The following ITGA6 variants were observed in gnomAD, a reference collection of about 807,000 sequenced individuals.
ITGA6 encodes the protein integrin alpha-6.
Under a neutral mutation model 133.6 loss-of-function variants are expected in ITGA6, and 63 were observed. The observed-to-expected ratio is 0.47, with a 90% CI of 0.38 to 0.58. ITGA6 has a LOEUF of 0.58. Ranked by LOEUF, ITGA6 falls within the 20% of genes least tolerant of loss-of-function variation. ITGA6 has a pLI of 0.00. For missense variants in ITGA6, 1,068 were observed against 1,309.4 expected (o/e 0.82, Z 2.85); for synonymous variants, 434 against 482.0 (o/e 0.90, Z 1.30).
Position 172,491,076 on chromosome 2 carries a change from A to T in ITGA6, c.2732A>T (p.Asp911Val). ...KREITEKQID[D>V]NRKFSLFAER... ...GAAATTACTGAAAAACAGATAGATG[A>T]TAACAGAAAATTTTCTTTATTTGCT... is the stretch of plus-strand genomic sequence containing the variant. Residue 911 changes from aspartate to valine, a missense_variant, in exon 21 of 26, where the codon GAT becomes GTT. Physicochemically the swap from Asp to Val is radical, Grantham distance 152. Around this residue, in one of 3 missense-constraint regions of ITGA6, gnomAD observed 609 missense variants for 707.2 expected, o/e 0.86. Coordinates refer to ENST00000684293, the MANE Select transcript of ITGA6 (RefSeq NM_000210.4). This position sits in a 1 kb window ranked among gnomAD's most constrained non-coding sequence, Gnocchi z 4.4. 1 of 1,593,892 alleles carries T rather than the reference A, an allele frequency of 6.3e-7. No individual in the cohort carries two copies. Among genetic ancestry groups the T allele is most frequent in the Non-Finnish European group, 8.6e-7 (1 of 1,161,642 alleles).
Position 172,459,006 on chromosome 2 carries a change from A to G in ITGA6, c.183-6533A>G, listed in dbSNP as rs151182659. Among the ~76,000 whole-genome samples the G allele has an allele frequency of 2.0e-5, 3 of 152,306 alleles. No homozygotes were observed. The East Asian group carries it at 5.8e-4, about 29-fold the overall frequency. On this transcript the variant is annotated intron_variant, in intron 1 of 25. Transcript: ENST00000684293. ...TCAGAACCACAGAGAAGGAGGGAAA[A>G]TGAGAGAAAGGGTAGATTAACCCAG...
At chr2:172,433,420 A>G (rs1172352010) in intron 1 of ITGA6, among the ~76,000 whole-genome samples, 1 of 152,196 alleles carries the variant, frequency 6.6e-6, no homozygotes, top group African/African-American at 2.4e-5. Flanking sequence ...CTAAGAGCAG[A>G]GCCTAGAGCC....
Position 172,450,027 on chromosome 2 carries a change from C to T in ITGA6, c.183-15512C>T, listed in dbSNP as rs560663093. On this transcript the variant is annotated intron_variant, in intron 1 of 25. Coordinates refer to ENST00000684293, the MANE Select transcript of ITGA6 (RefSeq NM_000210.4). ...GATCTGAGTCAAGAGTGTTCGGAAC[C>T]AAAGGAAGCGACTGCGGTTACTCTG... 5.9e-5 allele frequency among the ~76,000 whole-genome samples: 9 copies of T among 151,572 alleles called. No homozygotes were observed. In the South Asian group the frequency reaches 1.9e-3, roughly 32 times the overall value.
intron 1 of ITGA6, among the ~76,000 whole-genome samples, chr2:172,448,471 C>A (rs557651684): frequency 0.028 from 4,213 of 152,158 alleles, 181 homozygotes; most frequent in African/African-American, 0.094. Context: ...TGGGTAATGG[C>A]AATAGTGTCT....
intron 23 of ITGA6, among the ~76,000 whole-genome samples, chr2:172,496,873 C>T (rs1371138499): frequency 6.6e-6 from 1 of 152,126 alleles, no homozygotes. Flanking sequence ...GAGTAAACAC[C>T]ATTTCTATTT....
At chr2:172,445,397 C>G in intron 1 of ITGA6, among the ~76,000 whole-genome samples, 1 of 147,578 alleles carries the variant, frequency 6.8e-6, no homozygotes, top group South Asian at 2.1e-4. Context: ...CGCCTGTAAT[C>G]CCAGCACTTT....
intron 1 of ITGA6, among the ~76,000 whole-genome samples, chr2:172,448,035 G>A (rs1028393281): frequency 6.6e-6 from 1 of 152,024 alleles, no homozygotes; most frequent in Non-Finnish European, 1.5e-5. Context: ...ACCCTCAGGC[G>A]CAAATGTCAC....
chr2:172,504,357 A>C lies in ITGA6; in HGVS notation c.*289A>C. 2 of 841,546 alleles carry C rather than the reference A, an allele frequency of 2.4e-6. No individual in the cohort carries two copies. Among genetic ancestry groups the C allele is most frequent in the South Asian group, 3.8e-5 (2 of 53,232 alleles). 52.1% of individuals were successfully genotyped at this position (841,546 alleles called of 1,614,324 possible). A position where few individuals can be genotyped will look rare whatever the true frequency, so the allele number is the denominator to read the frequency against. On this transcript the variant is annotated 3_prime_UTR_variant, in exon 26 of 26. Coordinates refer to ENST00000684293, the MANE Select transcript of ITGA6 (RefSeq NM_000210.4). ...TGCTCAATCCCTGAGGACTGATTTC[A>C]GAGTGACTACACACAGTACGAACCT...
In ITGA6 at chr2:172,428,082, C is replaced by T; in HGVS notation, c.182+112C>T. 3 of 1,100,120 alleles carry T rather than the reference C, an allele frequency of 2.7e-6. 1 individual carries two copies. Among genetic ancestry groups the T allele is most frequent in the Non-Finnish European group, 3.5e-6 (3 of 847,466 alleles). The allele number at this position is 1,100,120 out of a possible 1,614,324, so 68.1% of individuals were successfully genotyped here. A position where few individuals can be genotyped will look rare whatever the true frequency, so the allele number is the denominator to read the frequency against. ...CGGGGAGTAGTTGGCCCGTGGGTCG[C>T]GCCCGGGCCGGCCGAGGCGCACCCA... On this transcript the variant is annotated intron_variant, in intron 1 of 25. Transcript: ENST00000684293.
At chr2:172,462,762 C>T (rs1228746801) in intron 1 of ITGA6, among the ~76,000 whole-genome samples, 5 of 152,140 alleles carry the variant, frequency 3.3e-5, no homozygotes, top group Non-Finnish European at 1.5e-5. Context: ...CACAGGACAC[C>T]CAAAAGCAGC....
intron 4 of ITGA6, 65 bp downstream of exon 4, chr2:172,469,445 C>CCA: frequency 6.8e-7 from 1 of 1,466,932 alleles, no homozygotes; most frequent in East Asian, 2.3e-5. Flanking sequence ...TGATTTAGTA[C>CCA]ATTTTGAGCT....
At chr2:172,445,986 G>A (rs1283870270) in intron 1 of ITGA6, among the ~76,000 whole-genome samples, 1 of 152,258 alleles carries the variant, frequency 6.6e-6, no homozygotes, top group African/African-American at 2.4e-5. Context: ...CAGCTAAAGA[G>A]GGAGGTTCAG....
At chr2:172,453,957 G>A (rs566296005) in intron 1 of ITGA6, among the ~76,000 whole-genome samples, 3 of 152,296 alleles carry the variant, frequency 2.0e-5, no homozygotes, top group African/African-American at 7.2e-5. Flanking sequence ...GAAGGACAGT[G>A]AGCAAATGGT....
At chr2:172,488,315 C>A in intron 19 of ITGA6, 87 bp downstream of exon 19, 1 of 886,642 alleles carries the variant, frequency 1.1e-6, no homozygotes, top group Non-Finnish European at 1.9e-6. Flanking sequence ...AATAAATCAG[C>A]AATATTAATA....
At chr2:172,445,184 T>G (rs912853828) in intron 1 of ITGA6, among the ~76,000 whole-genome samples, 9 of 151,488 alleles carry the variant, frequency 5.9e-5, no homozygotes, top group African/African-American at 2.2e-4. Flanking sequence ...GCCAGGCTGG[T>G]TTGAACTTCT....
chr2:172,470,018 A>G (rs560106778), intron 4 of ITGA6, among the ~76,000 whole-genome samples: 17 of 152,218 alleles, frequency 1.1e-4, no homozygotes, highest in Non-Finnish European at 1.5e-4. Context: ...AGAAAATGCT[A>G]TATCATAAAA....
chr2:172,478,175 A>G (rs941177558), intron 9 of ITGA6, among the ~76,000 whole-genome samples: 21 of 152,208 alleles, frequency 1.4e-4, no homozygotes, highest in African/African-American at 5.1e-4. Flanking sequence ...GCAGCTGTCT[A>G]AATGTAAAAT....
chr2:172,479,918 C>A, intron 10 of ITGA6, 72 bp from the exon 11 acceptor site: 1 of 1,117,778 alleles, frequency 8.9e-7, no homozygotes, highest in Non-Finnish European at 1.4e-6. Context: ...GATTGGAGAG[C>A]TAGGGAACAT....
intron 1 of ITGA6, among the ~76,000 whole-genome samples, chr2:172,450,658 T>TAAA (rs1370363385): frequency 1.3e-5 from 2 of 151,846 alleles, no homozygotes. Context: ...GTACATTTAG[T>TAAA]AAGATAGAGA....
Sources: allele counts gnomAD v4.1 joint callset (sites outside exome capture counted in the v4.1 genomes callset), GRCh38; gene constraint gnomAD v4.1.1; regional missense constraint gnomAD v4.1.1; non-coding constraint Gnocchi (gnomAD v3.1); transcripts MANE v1.5; gene names NCBI Gene and HGNC (gene_info 2026-07-23, HGNC 2026-07-21).